IGF1R: variants seen among roughly 807,000 people sequenced by gnomAD.
IGF1R encodes the protein insulin like growth factor 1 receptor.
A neutral mutation model predicts 144.6 loss-of-function variants in IGF1R; 44 were observed. The observed-to-expected ratio is 0.30, with a 90% CI of 0.24 to 0.39. The LOEUF (loss-of-function observed/expected upper bound fraction) is 0.39, where lower values mean the gene tolerates loss of function less well. Ranked by LOEUF, IGF1R falls within the 10% of genes least tolerant of loss-of-function variation. The pLI, the probability that IGF1R is intolerant of heterozygous loss-of-function variation, is 1.00. For synonymous variants in IGF1R, 795 were observed against 722.8 expected (o/e 1.10, Z -1.60); for missense variants, 1,355 against 1,833.7 (o/e 0.74, Z 4.77).
intron 2 of IGF1R, among the ~76,000 whole-genome samples, chr15:98,855,451 T>C (rs973585556): frequency 6.6e-6 from 1 of 152,256 alleles, no homozygotes; most frequent in African/African-American, 2.4e-5. Context: ...CAGTGCTTTT[T>C]ATCATCCATA....
At chr15:98,893,884 C>T (rs2014050450) in intron 3 of IGF1R, among the ~76,000 whole-genome samples, 1 of 152,144 alleles carries the variant, frequency 6.6e-6, no homozygotes, top group Non-Finnish European at 1.5e-5. Context: ...TTCTCTCAGC[C>T]TTTGAGGCTT....
intron 2 of IGF1R, among the ~76,000 whole-genome samples, chr15:98,879,589 T>C (rs551486408): frequency 6.6e-6 from 1 of 152,258 alleles, no homozygotes; most frequent in East Asian, 1.9e-4. Context: ...TGGCACAATT[T>C]AGTTGATTTG....
intron 1 of IGF1R, among the ~76,000 whole-genome samples, chr15:98,653,665 T>C (rs2052421220): frequency 6.6e-6 from 1 of 152,256 alleles, no homozygotes; most frequent in African/African-American, 2.4e-5. Context: ...TGTGTGCATT[T>C]ATCCAGATTT....
chr15:98,722,097 A>T (rs981493448), intron 2 of IGF1R, among the ~76,000 whole-genome samples: 13 of 152,300 alleles, frequency 8.5e-5, no homozygotes, highest in Middle Eastern at 3.4e-3. Context: ...CCTCAGCTGC[A>T]CAATTAAGGT....
intron 2 of IGF1R, among the ~76,000 whole-genome samples, chr15:98,798,247 G>A (rs939385360): frequency 2.6e-5 from 4 of 152,096 alleles, no homozygotes; most frequent in Admixed American, 6.5e-5. Flanking sequence ...ACCTTTTTAC[G>A]TAGGGTATTC....
intron 10 of IGF1R, among the ~76,000 whole-genome samples, chr15:98,921,068 G>A (rs1044364960): frequency 6.6e-5 from 10 of 152,246 alleles, no homozygotes; most frequent in African/African-American, 2.4e-4. Flanking sequence ...TCATTTCCCT[G>A]GGCAGATAGA....
intron 6 of IGF1R, among the ~76,000 whole-genome samples, chr15:98,909,254 T>TTTTTTTTC (rs1555459632): frequency 0.035 from 4,175 of 118,468 alleles, 150 homozygotes; most frequent in East Asian, 0.15. Context: ...TTTTTTTCTT[T>TTTTTTTTC]TTTTTTCTTT....
In IGF1R at chr15:98,957,082, C is replaced by A; in HGVS notation, c.3744C>A (p.Cys1248Ter). 6.2e-7 allele frequency: 1 copy of A among 1,614,218 alleles called. No homozygotes were observed. Among genetic ancestry groups the A allele is most frequent in the East Asian group, 2.2e-5 (1 of 44,880 alleles). ...PDMLFELMRM[C>*]WQYNPKMRPS... Reference sequence around the variant, plus strand: ...GCAGGTTTGAACTGATGCGCATGTGCTGGCAGTATAACCCCAAGATGAGGC... The same window carrying A: ...GCAGGTTTGAACTGATGCGCATGTGATGGCAGTATAACCCCAAGATGAGGC... Residue 1248 changes from cysteine (C) to a stop codon, truncating the protein, a stop_gained, in exon 21 of 21, where the codon TGC becomes TGA. Coordinates refer to ENST00000650285, the MANE Select transcript of IGF1R (RefSeq NM_000875.5). LOFTEE classifies it high-confidence loss of function.
chr15:98,930,049 T>A (rs576942935), intron 14 of IGF1R, among the ~76,000 whole-genome samples, 186 bp from the exon 15 acceptor site: 1 of 152,322 alleles, frequency 6.6e-6, no homozygotes, highest in South Asian at 2.1e-4. Context: ...TTAGCAAATG[T>A]CTGCTGGCTC....
At chr15:98,769,598 CTG>C (rs1372438023) in intron 2 of IGF1R, among the ~76,000 whole-genome samples, 2 of 152,162 alleles carry the variant, frequency 1.3e-5, no homozygotes, top group Non-Finnish European at 2.9e-5. Flanking sequence ...GCGTGTTGTA[CTG>C]CTAGTAATTA....
intron 2 of IGF1R, among the ~76,000 whole-genome samples, chr15:98,775,778 G>C (rs546840691): frequency 2.0e-5 from 3 of 152,220 alleles, no homozygotes; most frequent in Non-Finnish European, 4.4e-5. Context: ...CCCACCCCAG[G>C]GTTTCCGATT....
At chr15:98,727,864 GC>G in intron 2 of IGF1R, among the ~76,000 whole-genome samples, 1 of 152,298 alleles carries the variant, frequency 6.6e-6, no homozygotes, top group Non-Finnish European at 1.5e-5. Flanking sequence ...TGCGGGCCAG[GC>G]CGGGGCTGCT....
At chr15:98,795,540 G>C (rs781247707) in intron 2 of IGF1R, among the ~76,000 whole-genome samples, 2 of 151,932 alleles carry the variant, frequency 1.3e-5, no homozygotes. Context: ...TCAGCCTCCC[G>C]AGCAGCTGGG....
At chr15:98,710,856 G>A (rs994140411) in intron 2 of IGF1R, among the ~76,000 whole-genome samples, 1 of 151,550 alleles carries the variant, frequency 6.6e-6, no homozygotes, top group Non-Finnish European at 1.5e-5. Context: ...AACTGGAGAC[G>A]GGGTTTCACC....
At chr15:98,897,034 C>T in intron 4 of IGF1R, 129 bp downstream of exon 4, 1 of 821,302 alleles carries the variant, frequency 1.2e-6, no homozygotes, top group Non-Finnish European at 2.0e-6. Flanking sequence ...GTGTAAGCCT[C>T]ACGCATGACG....
In IGF1R at chr15:98,962,861, A is replaced by AC. The variant is rs1486738858; in HGVS notation, c.*5420dup. The AC allele has an allele frequency of 4.3e-6, 1 of 233,672 alleles. No individual in the cohort carries two copies. The highest frequency in any genetic ancestry group is 8.5e-6 in the Non-Finnish European group (1 of 118,082). The allele number at this position is 233,672 out of a possible 1,614,324, so 14.5% of individuals were successfully genotyped here. ...GAGTTAAGGCGAATTGTTCAAGAAC[A>AC]CAAACTACATCGCACTCGTCAGTTG... On this transcript the variant is annotated 3_prime_UTR_variant, in exon 21 of 21. Transcript: ENST00000650285.
intron 2 of IGF1R, among the ~76,000 whole-genome samples, chr15:98,765,936 C>G (rs1238807605): frequency 6.6e-6 from 1 of 152,146 alleles, no homozygotes; most frequent in African/African-American, 2.4e-5. Flanking sequence ...ATGCTGATGC[C>G]ACGCAAGGGA....
At chr15:98,786,520 C>T (rs911718353) in intron 2 of IGF1R, among the ~76,000 whole-genome samples, 7 of 152,156 alleles carry the variant, frequency 4.6e-5, no homozygotes, top group Non-Finnish European at 2.9e-5. Flanking sequence ...TTGCTTTGTG[C>T]TCCTTTGCCT....
chr15:98,650,806 A>T, intron 1 of IGF1R: 4 of 703,948 alleles, frequency 5.7e-6, no homozygotes, highest in Non-Finnish European at 7.0e-6. Flanking sequence ...CTTCCTTTGT[A>T]CGTAGTTAAT....
Sources: allele counts gnomAD v4.1 joint callset (sites outside exome capture counted in the v4.1 genomes callset), GRCh38; gene constraint gnomAD v4.1.1; transcripts MANE v1.5; gene names NCBI Gene and HGNC (gene_info 2026-07-23, HGNC 2026-07-21).